TNN: variants seen among roughly 807,000 people sequenced by gnomAD.
TNN encodes the protein tenascin-N.
A neutral mutation model predicts 134.4 loss-of-function variants in TNN; 122 were observed. That is an observed-to-expected ratio of 0.91 (90% CI 0.78 to 1.06). The LOEUF (loss-of-function observed/expected upper bound fraction) is 1.06, where lower values mean the gene tolerates loss of function less well. Ranked by LOEUF, TNN falls within the 50% of genes least tolerant of loss-of-function variation. The probability of loss-of-function intolerance (pLI) is 0.00; values close to 1 mark genes in which losing one functional copy is unlikely to be tolerated. For synonymous variants in TNN, 710 were observed against 670.3 expected, an observed-to-expected ratio of 1.06 and a Z score of -0.91; for missense variants, 1,739 against 1,699.4, an observed-to-expected ratio of 1.02 and a Z score of -0.41.
Position 175,107,096 on chromosome 1 carries a change from G to T in TNN, c.2119+8501G>T, listed in dbSNP as rs1005463870. 1.4e-5 allele frequency among the ~76,000 whole-genome samples: 2 copies of T among 146,032 alleles called. 1 individual carries two copies. The highest frequency in any genetic ancestry group is 3.0e-5 in the Non-Finnish European group (2 of 65,746). The stretch of plus-strand genomic sequence containing the variant: ...GGCGATATGCGAAAGTCCCTTCGTG[G>T]TCGCCAAAATGTGTCCGGAATTGGT... On this transcript the variant is annotated intron_variant, in intron 9 of 18. Coordinates refer to ENST00000239462, the MANE Select transcript of TNN (RefSeq NM_022093.2).
chr1:175,107,998 T>C (rs1168930519), intron 9 of TNN, among the ~76,000 whole-genome samples: 1 of 146,078 alleles, frequency 6.8e-6, no homozygotes, highest in Non-Finnish European at 1.5e-5. Context: ...ACAGTGTCGA[T>C]TGGTGCACTC....
intron 11 of TNN, among the ~76,000 whole-genome samples, chr1:175,123,013 C>T (rs531460001): frequency 4.6e-5 from 7 of 152,080 alleles, no homozygotes; most frequent in African/African-American, 1.4e-4. Context: ...TTTTATAAGT[C>T]GGAAAGGTTG....
In TNN at chr1:175,098,488, G is replaced by A. The variant is rs757514111; in HGVS notation, c.2012G>A (p.Ser671Asn). 6 of 1,614,026 alleles carry A rather than the reference G, an allele frequency of 3.7e-6. No individual in the cohort carries two copies. The Admixed American group carries it at 8.3e-5, about 22-fold the overall frequency. Reference sequence around the variant, plus strand: ...GAGGTTCCGGTGGGGAAGGAGCAGAGCAGCACAGTCCTGACAGGCCTGAGA... The same window carrying A: ...GAGGTTCCGGTGGGGAAGGAGCAGAACAGCACAGTCCTGACAGGCCTGAGA... ...TREVPVGKEQ[S>N]STVLTGLRPG... is the part of the protein sequence containing the mutation. The change falls in exon 9 of 19, where the codon AGC becomes AAC. Residue 671 changes from serine to asparagine, a missense_variant. Transcript: ENST00000239462.
chr1:175,085,348 C>A, intron 5 of TNN, 57 bp from the exon 6 acceptor site: 1 of 1,086,102 alleles, frequency 9.2e-7, no homozygotes, highest in Non-Finnish European at 1.4e-6. Flanking sequence ...AGGAGTAGTG[C>A]TGGGGAGAGG....
chr1:175,117,652 CAT>C (rs1675220214), intron 10 of TNN, among the ~76,000 whole-genome samples: 1 of 152,056 alleles, frequency 6.6e-6, no homozygotes, highest in African/African-American at 2.4e-5. Context: ...AACTATAAAA[CAT>C]ATTTATAACT....
intron 9 of TNN, among the ~76,000 whole-genome samples, chr1:175,102,871 C>G (rs1267297000): frequency 6.8e-6 from 1 of 145,996 alleles, no homozygotes; most frequent in Non-Finnish European, 1.5e-5. Context: ...TCTCAATCCC[C>G]CCTCTAAACA....
At chr1:175,069,549 T>A (rs1204118456) in intron 1 of TNN, among the ~76,000 whole-genome samples, 1 of 152,238 alleles carries the variant, frequency 6.6e-6, no homozygotes, top group Non-Finnish European at 1.5e-5. Flanking sequence ...TCTGAGAAGA[T>A]GCCTGAGGAA....
chr1:175,141,898 A>G (rs2101854794), intron 17 of TNN, among the ~76,000 whole-genome samples: 1 of 152,304 alleles, frequency 6.6e-6, no homozygotes, highest in East Asian at 1.9e-4. Flanking sequence ...TTCTGCAGAA[A>G]AAGACCTCCC....
intron 11 of TNN, among the ~76,000 whole-genome samples, chr1:175,122,817 T>C (rs990149113): frequency 3.3e-5 from 5 of 152,316 alleles, no homozygotes; most frequent in Admixed American, 3.3e-4. Context: ...AGACCTTGCT[T>C]GTCTGGGACT....
intron 17 of TNN, among the ~76,000 whole-genome samples, chr1:175,144,098 G>C (rs750820787): frequency 3.0e-4 from 45 of 152,142 alleles, no homozygotes; most frequent in Non-Finnish European, 4.7e-4. Flanking sequence ...GACTTGGGGA[G>C]AGTTGTTATG....
chr1:175,082,635 T>G (rs1674223141), intron 4 of TNN, among the ~76,000 whole-genome samples: 1 of 152,126 alleles, frequency 6.6e-6, no homozygotes, highest in Non-Finnish European at 1.5e-5. Flanking sequence ...CATAACTGAT[T>G]GAATCGGGGA....
At chr1:175,077,357 T>G (rs2149426065) in intron 1 of TNN, 27 bp from the exon 2 acceptor site, 1 of 1,523,182 alleles carries the variant, frequency 6.6e-7, no homozygotes, top group South Asian at 1.3e-5. Context: ...TCTCCGTGGC[T>G]TTCTTTTGCA....
intron 18 of TNN, among the ~76,000 whole-genome samples, chr1:175,146,722 T>C (rs1461011801): frequency 6.6e-6 from 1 of 151,896 alleles, no homozygotes; most frequent in Non-Finnish European, 1.5e-5. Flanking sequence ...TCTCAGCCCG[T>C]CTAACCCCAG....
intron 8 of TNN, 63 bp from the exon 9 acceptor site, chr1:175,098,269 G>C: frequency 6.2e-7 from 1 of 1,604,036 alleles, no homozygotes; most frequent in Non-Finnish European, 8.5e-7. Context: ...TGATGAAGAT[G>C]GGGGTAAGGA....
At position 175,127,078 on chromosome 1, in the gene TNN, C is replaced by G. The variant is rs1410716538; in HGVS notation, c.3038C>G (p.Thr1013Arg). The stretch of plus-strand genomic sequence containing the variant: ...CTGACTTACCAGTTCCCAGATGGCA[C>G]AGTTAAGGTACGGGGATTCCTTGTC... ...YILTYQFPDG[T>R]VKEMQLGRED... Residue 1013 changes from threonine to arginine, a missense_variant, in exon 13 of 19, where the codon ACA (threonine) becomes AGA (arginine). By Grantham distance (71) the Thr-to-Arg change is moderately conservative. Coordinates refer to ENST00000239462, the MANE Select transcript of TNN (RefSeq NM_022093.2). The G allele has an allele frequency of 6.2e-7, 1 of 1,613,732 alleles. No individual in the cohort carries two copies. Among genetic ancestry groups the G allele is most frequent in the African/African-American group, 1.3e-5 (1 of 75,032 alleles).
At chr1:175,069,349 G>T (rs942061684) in intron 1 of TNN, among the ~76,000 whole-genome samples, 2 of 152,214 alleles carry the variant, frequency 1.3e-5, no homozygotes, top group African/African-American at 4.8e-5. Context: ...TTTTCCAGGA[G>T]AGAAGGGAAG....
intron 9 of TNN, among the ~76,000 whole-genome samples, chr1:175,100,683 A>G (rs892799534): frequency 3.7e-5 from 5 of 135,706 alleles, no homozygotes; most frequent in Admixed American, 3.6e-4. Context: ...TGAATTATTT[A>G]GGACAAAGAA....
At chr1:175,105,122 G>A (rs113758857) in intron 9 of TNN, among the ~76,000 whole-genome samples, 4 of 145,820 alleles carry the variant, frequency 2.7e-5, no homozygotes, top group Admixed American at 6.9e-5. Flanking sequence ...AGCTAAAGCC[G>A]CATTCTTTTC....
In TNN at chr1:175,083,764, G is replaced by T; in HGVS notation, c.1063G>T (p.Gly355Cys). The part of the protein sequence containing the change: ...LLATTDLAVL[G>C]TAWVTDETEN... The stretch of plus-strand genomic sequence containing the variant: ...CCCTGCCCTAGACCTTGCTGTGCTT[G>T]GCACTGCCTGGGTGACAGATGAGAC... Residue 355 changes from glycine to cysteine, a missense_variant, in exon 5 of 19, where the codon GGC (glycine) becomes TGC (cysteine). Transcript: ENST00000239462. 1 of 1,614,098 alleles carries T rather than the reference G, an allele frequency of 6.2e-7. No homozygotes were observed. The highest frequency in any genetic ancestry group is 2.2e-5 in the East Asian group (1 of 44,884).
Sources: allele counts gnomAD v4.1 joint callset (sites outside exome capture counted in the v4.1 genomes callset), GRCh38; gene constraint gnomAD v4.1.1; transcripts MANE v1.5; gene names NCBI Gene and HGNC (gene_info 2026-07-23, HGNC 2026-07-21).